The following PTPRN2 variants were observed in gnomAD, a reference collection of about 807,000 sequenced individuals.
The protein encoded by PTPRN2 is protein tyrosine phosphatase receptor type N2.
PTPRN2 carries 74 observed loss-of-function variants against 118.8 expected under a neutral mutation model. The observed-to-expected ratio is 0.62, with a 90% confidence interval of 0.52 to 0.76. The LOEUF (loss-of-function observed/expected upper bound fraction) is 0.76. Among genes scored for constraint, PTPRN2 ranks in the 30% least tolerant of loss-of-function variants. The pLI, the probability that PTPRN2 is intolerant of heterozygous loss-of-function variation, is 0.00. For missense variants in PTPRN2, 1,481 were observed against 1,394.4 expected, an observed-to-expected ratio of 1.06 and a Z score of -0.99; for synonymous variants, 641 against 608.0, an observed-to-expected ratio of 1.05 and a Z score of -0.80.
chr7:157,819,730 C>T lies in PTPRN2; in HGVS notation c.1788+78943G>A, dbSNP rs544510012. The stretch of plus-strand genomic sequence containing the variant: ...GTCACGTCTCCTGGAAGGATGGGAT[C>T]CCTCTGCACGCCCCATCACCCGCCC... On this transcript the variant is annotated intron_variant, in intron 12 of 22. Transcript: ENST00000389418. Among the ~76,000 whole-genome samples, 6 of 152,216 alleles carry T rather than the reference C, an allele frequency of 3.9e-5. No individual in the cohort carries two copies. In the South Asian group the frequency reaches 1.2e-3, roughly 32 times the overall value.
At chr7:157,822,297 A>G (rs958745044) in intron 12 of PTPRN2, among the ~76,000 whole-genome samples, 2 of 151,010 alleles carry the variant, frequency 1.3e-5, no homozygotes, top group African/African-American at 4.9e-5. Flanking sequence ...GCATCCATCC[A>G]CCCATCTGCT....
chr7:158,312,673 GCA>G (rs1801935068), intron 3 of PTPRN2, among the ~76,000 whole-genome samples: 6 of 135,708 alleles, frequency 4.4e-5, no homozygotes. Context: ...GTGCCTGCCT[GCA>G]CACATGCATG....
chr7:158,050,041 C>A (rs1349883727), intron 11 of PTPRN2, among the ~76,000 whole-genome samples: 3 of 152,112 alleles, frequency 2.0e-5, no homozygotes, highest in Non-Finnish European at 4.4e-5. Context: ...CTAGTGACCC[C>A]CATTTTATTA....
At chr7:158,213,986 C>T (rs1242921097) in intron 3 of PTPRN2, among the ~76,000 whole-genome samples, 1 of 152,120 alleles carries the variant, frequency 6.6e-6, no homozygotes, top group Non-Finnish European at 1.5e-5. Context: ...AGTTGGTCAA[C>T]TACTCAGAAT....
chr7:158,510,021 A>G, intron 1 of PTPRN2, among the ~76,000 whole-genome samples: 1 of 152,108 alleles, frequency 6.6e-6, no homozygotes, highest in African/African-American at 2.4e-5. Context: ...GGCACACACA[A>G]CCAAGCTGCC....
rs1293891527 is a variant in PTPRN2, at chr7:157,794,898, G to A, written c.1788+103775C>T. Among the ~76,000 whole-genome samples the A allele has an allele frequency of 2.0e-5, 3 of 152,202 alleles. No individual in the cohort carries two copies. The highest frequency in any genetic ancestry group is 7.2e-5 in the African/African-American group (3 of 41,446). On this transcript the variant is annotated intron_variant, in intron 12 of 22. Coordinates refer to ENST00000389418, the MANE Select transcript of PTPRN2 (RefSeq NM_002847.5). The surrounding 1 kb of genome is among the most constrained non-coding windows in gnomAD (Gnocchi z 5.2). Reference sequence around the variant, plus strand: ...TTGTCATGCTAAAGCACATCACCTCGGTCCTCAGAGAGGAGGGATTTCCAT... The same window carrying A: ...TTGTCATGCTAAAGCACATCACCTCAGTCCTCAGAGAGGAGGGATTTCCAT...
chr7:158,558,111 A>G (rs1827165217), intron 1 of PTPRN2, among the ~76,000 whole-genome samples: 1 of 152,096 alleles, frequency 6.6e-6, no homozygotes, highest in East Asian at 1.9e-4. Context: ...CAGCCTCCCA[A>G]GGAGCTGAGA....
At chr7:158,317,718 G>A (rs994259080) in intron 2 of PTPRN2, among the ~76,000 whole-genome samples, 3 of 152,186 alleles carry the variant, frequency 2.0e-5, no homozygotes, top group Non-Finnish European at 4.4e-5. Context: ...AGCTTCGGGC[G>A]GGGCGGAAGG....
At chr7:158,241,704 T>C (rs1478143472) in intron 3 of PTPRN2, among the ~76,000 whole-genome samples, 2 of 152,170 alleles carry the variant, frequency 1.3e-5, no homozygotes, top group Non-Finnish European at 2.9e-5. Context: ...TGTTTTCTCA[T>C]ATCCTACCTG....
At chr7:157,962,829 T>C (rs764156704) in intron 11 of PTPRN2, among the ~76,000 whole-genome samples, 2 of 152,228 alleles carry the variant, frequency 1.3e-5, no homozygotes, top group Non-Finnish European at 2.9e-5. Flanking sequence ...TGGCATGGAC[T>C]AGAGGGTCAT....
intron 12 of PTPRN2, among the ~76,000 whole-genome samples, chr7:157,799,113 G>A (rs1297227787): frequency 1.3e-5 from 2 of 152,190 alleles, no homozygotes; most frequent in Non-Finnish European, 2.9e-5. Flanking sequence ...GAGAGGTAGT[G>A]GTTGCAGCTG....
chr7:157,967,160 AT>A (rs911875006), intron 11 of PTPRN2, among the ~76,000 whole-genome samples: 19 of 152,160 alleles, frequency 1.2e-4, no homozygotes, highest in South Asian at 2.1e-4. Flanking sequence ...TCTCTATTAA[AT>A]TTTTTTTAAA....
At chr7:157,720,030 C>T (rs1457550620) in intron 12 of PTPRN2, among the ~76,000 whole-genome samples, 9 of 152,146 alleles carry the variant, frequency 5.9e-5, no homozygotes, top group African/African-American at 1.9e-4. Flanking sequence ...CCGATGGAAA[C>T]GACTCCAATC....
At chr7:158,448,089 C>T (rs1255840711) in intron 2 of PTPRN2, among the ~76,000 whole-genome samples, 1 of 152,152 alleles carries the variant, frequency 6.6e-6, no homozygotes, top group African/African-American at 2.4e-5. Context: ...ACTCCAGCCA[C>T]TCCACCGCCA....
intron 12 of PTPRN2, among the ~76,000 whole-genome samples, chr7:157,766,504 C>T (rs533530653): frequency 2.6e-5 from 4 of 152,330 alleles, no homozygotes; most frequent in South Asian, 2.1e-4. Flanking sequence ...ATTGATCCAC[C>T]CATAAACAAA....
rs940536487 is a variant in PTPRN2 at position 157,893,004 on chromosome 7, C to T, written c.1788+5669G>A. Among the ~76,000 whole-genome samples, 3 of 152,186 alleles carry T rather than the reference C, an allele frequency of 2.0e-5. No homozygotes were observed. The highest frequency in any genetic ancestry group is 1.9e-4 in the East Asian group (1 of 5,200). ...TTGAGGGCCCTCTGGGCACGATGTC[C>T]GTGGGGTCAAGAGCTCGAGAAGAAC... On this transcript the variant is annotated intron_variant, in intron 12 of 22. Transcript: ENST00000389418. This position sits in a 1 kb window ranked among gnomAD's most constrained non-coding sequence, Gnocchi z 4.0.
chr7:157,731,893 CAGTTACTCTTTCCCGT>C (rs1465268789), intron 12 of PTPRN2, among the ~76,000 whole-genome samples: 2 of 61,812 alleles, frequency 3.2e-5, no homozygotes, highest in Non-Finnish European at 7.8e-5. Context: ...GCGCCCAGCA[CAGTTACTCTTTCCCGT>C]CCCATGCGCC....
At chr7:157,848,152 CCT>C (rs1809007865) in intron 12 of PTPRN2, among the ~76,000 whole-genome samples, 1 of 147,056 alleles carries the variant, frequency 6.8e-6, no homozygotes, top group Non-Finnish European at 1.5e-5. Context: ...TTTACAGAGC[CCT>C]CTCTCATTAC....
intron 13 of PTPRN2, among the ~76,000 whole-genome samples, chr7:157,657,263 CACAT>C (rs1403014129): frequency 5.0e-5 from 5 of 99,506 alleles, no homozygotes; most frequent in Non-Finnish European, 4.3e-5. Flanking sequence ...CATATACACA[CACAT>C]ACACCACACA....
Sources: allele counts gnomAD v4.1 joint callset (sites outside exome capture counted in the v4.1 genomes callset), GRCh38; gene constraint gnomAD v4.1.1; non-coding constraint Gnocchi (gnomAD v3.1); transcripts MANE v1.5; gene names NCBI Gene and HGNC (gene_info 2026-07-23, HGNC 2026-07-21).